Variants in CTSB observed in about 807,000 individuals in gnomAD.
CTSB encodes the protein APP secretase.
In CTSB, 57 loss-of-function variants were observed where a neutral mutation model predicts 44.3. The observed-to-expected ratio is 1.29, with a 90% CI of 1.04 to 1.60. The LOEUF (loss-of-function observed/expected upper bound fraction) is 1.60, where lower values mean the gene tolerates loss of function less well. CTSB is among the 40% of genes most tolerant of loss of function. The pLI is 0.00. For synonymous variants in CTSB, 320 were observed against 168.0 expected (o/e 1.91, Z -7.00); for missense variants, 768 against 443.0 (o/e 1.73, Z -6.59).
rs1814013510 is a variant in CTSB at position 11,849,061 on chromosome 8, C to G, written c.431G>C (p.Ser144Thr). ...CCTGACTCACCCGTCCCCACACATG[C>G]TGCCACAGCATGTGAGCAGGTCCTC... ...SAEDLLTCCG[S>T]MCGDGCNGGY... Residue 144 changes from serine (S) to threonine (T), a missense_variant, in exon 5 of 10, where the codon AGC becomes ACC. Ser to Thr is a moderately conservative substitution (Grantham distance 58, BLOSUM62 1). Transcript: ENST00000353047. The G allele has an allele frequency of 1.2e-6, 2 of 1,612,932 alleles. No individual in the cohort carries two copies. Among genetic ancestry groups the G allele is most frequent in the Non-Finnish European group, 1.7e-6 (2 of 1,179,348 alleles).
rs535273034 is a variant in CTSB, at chr8:11,844,892, A to T, written c.*233T>A. The T allele has an allele frequency of 1.8e-6, 1 of 543,398 alleles. No homozygotes were observed. The highest frequency in any genetic ancestry group is 3.3e-6 in the Non-Finnish European group (1 of 303,224). 33.7% of individuals were successfully genotyped at this position (543,398 alleles called of 1,614,324 possible). A position where few individuals can be genotyped will look rare whatever the true frequency, so the allele number is the denominator to read the frequency against. ...CAGGTACTCCCTACGGCACTAGTCT[A>T]CAGGGGGAAGGACGCTCTGTGCTGG... On this transcript the variant is annotated 3_prime_UTR_variant, in exon 10 of 10. Transcript: ENST00000353047.
At chr8:11,859,241 A>T (rs559704905) in intron 1 of CTSB, among the ~76,000 whole-genome samples, 1 of 152,194 alleles carries the variant, frequency 6.6e-6, no homozygotes, top group Non-Finnish European at 1.5e-5. Context: ...GTTATGTGCC[A>T]AAAAGAGTGT....
Position 11,847,823 on chromosome 8 carries a change from C to T in CTSB, c.533-1G>A, listed in dbSNP as rs755554813. On this transcript the variant is annotated splice_acceptor_variant, in intron 6 of 9. Coordinates refer to ENST00000353047, the MANE Select transcript of CTSB (RefSeq NM_001908.5). LOFTEE classifies it high-confidence loss of function. The stretch of plus-strand genomic sequence containing the variant: ...GGAGGGATGGAGTACGGTCTGCACC[C>T]TGATGGGACGCGGGAGAAAGCGGAG... The T allele has an allele frequency of 6.3e-7, 1 of 1,589,696 alleles. No individual in the cohort carries two copies.
chr8:11,852,189 G>A (rs1432785429), intron 3 of CTSB, among the ~76,000 whole-genome samples: 1 of 152,116 alleles, frequency 6.6e-6, no homozygotes, highest in Non-Finnish European at 1.5e-5. Context: ...TGGCCAGTAT[G>A]GCGAAACCCA....
At chr8:11,853,120 T>A (rs1122182) in intron 2 of CTSB, among the ~76,000 whole-genome samples, 30,077 of 151,854 alleles carry the variant, frequency 0.2, 3,796 homozygotes, top group Middle Eastern at 0.32. Context: ...TTCATACACA[T>A]GCACACACAC....
intron 5 of CTSB, 22 bp downstream of exon 5, chr8:11,849,024 G>A (rs770974886): frequency 1.9e-6 from 3 of 1,586,118 alleles, no homozygotes; most frequent in Non-Finnish European, 2.6e-6. Context: ...TAAACCCGCT[G>A]TGGAAGCACA....
At chr8:11,852,467 G>A (rs759091383) in intron 3 of CTSB, 143 bp downstream of exon 3, 3 of 513,640 alleles carry the variant, frequency 5.8e-6, no homozygotes, top group Non-Finnish European at 1.0e-5. Flanking sequence ...AAAGAAACAA[G>A]TACTGTACCT....
chr8:11,864,984 G>C (rs914874644), intron 1 of CTSB, among the ~76,000 whole-genome samples: 1 of 151,986 alleles, frequency 6.6e-6, no homozygotes, highest in Non-Finnish European at 1.5e-5. Context: ...CCCCACACAA[G>C]CTAGGGTAAA....
chr8:11,867,228 T>A (rs141626294), intron 1 of CTSB: 2 of 151,600 alleles, frequency 1.3e-5, no homozygotes, highest in African/African-American at 4.8e-5. Context: ...AGAGGCCAAC[T>A]CCCCCCGGCC....
Position 11,847,828 on chromosome 8 carries a change from G to C in CTSB, c.533-6C>G, listed in dbSNP as rs1324189593. 6.3e-7 allele frequency: 1 copy of C among 1,587,240 alleles called. No individual in the cohort carries two copies. Among genetic ancestry groups the C allele is most frequent in the Non-Finnish European group, 8.5e-7 (1 of 1,172,196 alleles). ...GATGGAGTACGGTCTGCACCCTGAT[G>C]GGACGCGGGAGAAAGCGGAGTCAAC... On this transcript the variant is annotated splice_polypyrimidine_tract_variant and splice_region_variant and intron_variant, in intron 6 of 9. Coordinates refer to ENST00000353047, the MANE Select transcript of CTSB (RefSeq NM_001908.5).
In CTSB at chr8:11,852,499, G is replaced by T. The variant is rs190533078; in HGVS notation, c.212+111C>A. ...ACCTCAAGCGGTGTCGGCAGCCCTG[G>T]GCAGCATGAGCCCTGCGGACGCCAG... On this transcript the variant is annotated intron_variant, in intron 3 of 9. Transcript: ENST00000353047. 5.2e-5 allele frequency: 36 copies of T among 685,716 alleles called. No individual in the cohort carries two copies. In the Admixed American group the frequency reaches 6.1e-4, roughly 12 times the overall value. 42.5% of individuals were successfully genotyped at this position (685,716 alleles called of 1,614,324 possible).
Position 11,845,045 on chromosome 8 carries a change from A to G in CTSB, c.*80T>C. On this transcript the variant is annotated 3_prime_UTR_variant, in exon 10 of 10. Coordinates refer to ENST00000353047, the MANE Select transcript of CTSB (RefSeq NM_001908.5). ...CCTTCAGACCCTGTCTGAAACTTGTATCTTACGTGAACTTAAAGAATAAAA... is the reference window on the plus strand; with the variant it reads ...CCTTCAGACCCTGTCTGAAACTTGTGTCTTACGTGAACTTAAAGAATAAAA... 1.0e-6 allele frequency: 1 copy of G among 972,010 alleles called. No homozygotes were observed. The highest frequency in any genetic ancestry group is 1.6e-6 in the Non-Finnish European group (1 of 612,724). The allele number at this position is 972,010 out of a possible 1,614,324, so 60.2% of individuals were successfully genotyped here. A position where few individuals can be genotyped will look rare whatever the true frequency, so the allele number is the denominator to read the frequency against.
intron 1 of CTSB, among the ~76,000 whole-genome samples, chr8:11,854,454 A>C (rs2150417132): frequency 6.6e-6 from 1 of 152,228 alleles, no homozygotes; most frequent in Middle Eastern, 3.4e-3. Flanking sequence ...TAGGAGAATA[A>C]ATATATGAGG....
Position 11,849,113 on chromosome 8 carries a change from C to G in CTSB, c.379G>C (p.Ala127Pro), listed in dbSNP as rs946626660. ...GCCGACACCTCCACGCTGACGTGCGCATTGGTGTGGATGCAGATCCGGTCA... is the reference window on the plus strand; with the variant it reads ...GCCGACACCTCCACGCTGACGTGCGGATTGGTGTGGATGCAGATCCGGTCA... The part of the protein sequence containing the change: ...ISDRICIHTN[A>P]HVSVEVSAED... The change falls in exon 5 of 10, where the codon GCG (alanine) becomes CCG (proline). Residue 127 changes from alanine (A) to proline (P), a missense_variant. Transcript: ENST00000353047. 2 of 1,613,490 alleles carry G rather than the reference C, an allele frequency of 1.2e-6. No homozygotes were observed. The highest frequency in any genetic ancestry group is 1.3e-5 in the African/African-American group (1 of 74,924).
At chr8:11,859,763 G>T (rs1316348684) in intron 1 of CTSB, among the ~76,000 whole-genome samples, 1 of 68,716 alleles carries the variant, frequency 1.5e-5, no homozygotes, top group Non-Finnish European at 2.5e-5. Context: ...GCGAGACTCT[G>T]TCTCAAAAAA....
chr8:11,863,291 T>C (rs1477616382), intron 1 of CTSB, among the ~76,000 whole-genome samples: 1 of 152,088 alleles, frequency 6.6e-6, no homozygotes, highest in East Asian at 1.9e-4. Context: ...ACATCCCGTC[T>C]CTACTAAAAA....
intron 1 of CTSB, among the ~76,000 whole-genome samples, chr8:11,864,781 G>T (rs1323819444): frequency 6.6e-6 from 1 of 152,046 alleles, no homozygotes; most frequent in Admixed American, 6.6e-5. Flanking sequence ...AGGCATGGTG[G>T]TGCATGCCTC....
At chr8:11,851,445 C>T (rs1391795785) in intron 3 of CTSB, among the ~76,000 whole-genome samples, 1 of 152,092 alleles carries the variant, frequency 6.6e-6, no homozygotes, top group Non-Finnish European at 1.5e-5. Flanking sequence ...CTGCCTTGGC[C>T]TCCCAAAGTG....
intron 1 of CTSB, among the ~76,000 whole-genome samples, chr8:11,861,979 G>C (rs1249985398): frequency 6.6e-6 from 1 of 151,668 alleles, no homozygotes; most frequent in Non-Finnish European, 1.5e-5. Context: ...AGGCTGAGGT[G>C]GGCGAATCAC....
Sources: gnomAD v4.1 joint callset for allele counts (sites outside exome capture counted in the v4.1 genomes callset) on GRCh38, gnomAD v4.1.1 for gene constraint, MANE v1.5 for transcripts, NCBI Gene and HGNC (gene_info 2026-07-23, HGNC 2026-07-21) for gene names.